KNCN: variants seen among roughly 807,000 people sequenced by gnomAD.
The protein encoded by KNCN is kinocilin.
A neutral mutation model predicts 10.4 loss-of-function variants in KNCN; 11 were observed. The observed-to-expected ratio is 1.06, with a 90% confidence interval of 0.67 to 1.75. The LOEUF is 1.75. Among genes scored for constraint, KNCN ranks in the 40% most tolerant of loss-of-function variants. The probability of loss-of-function intolerance (pLI) is 0.00; values close to 1 mark genes in which losing one functional copy is unlikely to be tolerated. For missense variants in KNCN, 172 were observed against 167.1 expected (o/e 1.03, Z -0.16); for synonymous variants, 67 against 71.6 (o/e 0.94, Z 0.33).
intron 3 of KNCN, among the ~76,000 whole-genome samples, chr1:46,548,731 T>C (rs897106400): frequency 3.5e-4 from 53 of 152,184 alleles, no homozygotes; most frequent in Non-Finnish European, 7.5e-4. Flanking sequence ...AGGGTCTGAC[T>C]GTGCACCTGG....
In KNCN at chr1:46,547,735, A is replaced by G. The variant is rs1666976225; in HGVS notation, c.370T>C (p.Cys124Arg). The change falls in exon 4 of 4, where the codon TGC becomes CGC. Residue 124 changes from cysteine (C) to arginine (R), a missense_variant. Transcript: ENST00000481882. ...LKPGTRGAEE[C>R] ...GCAGCCGCTCAGACTTTGCCTCAGC[A>G]TTCCTCAGCCCCCCGGGTCCCCGGC... The G allele has an allele frequency of 6.7e-7, 1 of 1,500,818 alleles. No individual in the cohort carries two copies. The highest frequency in any genetic ancestry group is 1.4e-5 in the African/African-American group (1 of 71,502). 93.0% of individuals were successfully genotyped at this position (1,500,818 alleles called of 1,614,324 possible).
intron 3 of KNCN, among the ~76,000 whole-genome samples, chr1:46,548,616 A>AGG (rs1025095508): frequency 1.5e-4 from 22 of 144,938 alleles, no homozygotes; most frequent in African/African-American, 5.5e-4. Context: ...GGGGAAAGGG[A>AGG]GGGAGGGGAA....
In KNCN at chr1:46,547,298, C is replaced by T. The variant is rs540633065; in HGVS notation, c.*432G>A. 3.2e-5 allele frequency: 14 copies of T among 439,450 alleles called. No homozygotes were observed. The East Asian group carries it at 9.6e-4, about 30-fold the overall frequency. 27.2% of individuals were successfully genotyped at this position (439,450 alleles called of 1,614,324 possible). The stretch of plus-strand genomic sequence containing the variant: ...GCTAGACCGTGGGGGTGGAGGGTCC[C>T]TGTCTGTGGTTCTTGTGGGCCTGTG... On this transcript the variant is annotated 3_prime_UTR_variant, in exon 4 of 4. Transcript: ENST00000481882.
In KNCN at chr1:46,551,413, C is replaced by T. The variant is rs537457881; in HGVS notation, c.-198G>A. The stretch of plus-strand genomic sequence containing the variant: ...ACTGCTCCACTACGGGCCCCCCAGT[C>T]CCACCTTGACCAGGGATCTGTACGA... On this transcript the variant is annotated 5_prime_UTR_variant, in exon 1 of 4. Coordinates refer to ENST00000481882, the MANE Select transcript of KNCN (RefSeq NM_001322255.2). The surrounding 1 kb of genome is among the most constrained non-coding windows in gnomAD (Gnocchi z 4.0). 7.3e-6 allele frequency: 4 copies of T among 547,488 alleles called. No individual in the cohort carries two copies. In the East Asian group the frequency reaches 1.4e-4, roughly 19 times the overall value. 33.9% of individuals were successfully genotyped at this position (547,488 alleles called of 1,614,324 possible).
At position 46,547,686 on chromosome 1, in the gene KNCN, G is replaced by A. The variant is rs752447052; in HGVS notation, c.*44C>T. On this transcript the variant is annotated 3_prime_UTR_variant, in exon 4 of 4. Transcript: ENST00000481882. ...GAGGGCACTGACATAGGGGCAGCAG[G>A]CAGGATGGGAGGGCAGGGCATGGGC... 7.0e-7 allele frequency: 1 copy of A among 1,434,456 alleles called. No homozygotes were observed. Among genetic ancestry groups the A allele is most frequent in the South Asian group, 1.2e-5 (1 of 80,266 alleles). The allele number at this position is 1,434,456 out of a possible 1,614,324, so 88.9% of individuals were successfully genotyped here.
At chr1:46,547,872 T>G in intron 3 of KNCN, 63 bp from the exon 4 acceptor site, 1 of 1,186,954 alleles carries the variant, frequency 8.4e-7, no homozygotes, top group Non-Finnish European at 1.2e-6. Context: ...GTTGTCAGGG[T>G]CAGAGGAACT....
In KNCN at chr1:46,546,146, C is replaced by T. The variant is rs145328823; in HGVS notation, c.*1584G>A. 1 of 152,156 alleles carries T rather than the reference C, an allele frequency of 6.6e-6. No individual in the cohort carries two copies. The highest frequency in any genetic ancestry group is 2.4e-5 in the African/African-American group (1 of 41,418). 9.4% of individuals were successfully genotyped at this position (152,156 alleles called of 1,614,324 possible). A position where few individuals can be genotyped will look rare whatever the true frequency, so the allele number is the denominator to read the frequency against. ...GTGCAGAGGACAGCAGAAGATAGAGCCTTGGATAGGGAGAGATAGGAGACC... is the reference window on the plus strand; with the variant it reads ...GTGCAGAGGACAGCAGAAGATAGAGTCTTGGATAGGGAGAGATAGGAGACC... On this transcript the variant is annotated 3_prime_UTR_variant, in exon 4 of 4. Coordinates refer to ENST00000481882, the MANE Select transcript of KNCN (RefSeq NM_001322255.2).
In KNCN at chr1:46,547,803, C is replaced by G. The variant is rs571603328; in HGVS notation, c.302G>C (p.Arg101Pro). ...SSTNGNKEGA[R>P]SSLSTVSRTL... Reference sequence around the variant, plus strand: ...CCTGCTCACGGTGGACAGGCTGCTGCGGGCTCCTGGGGGAGAGAACAGGGA... The same window carrying G: ...CCTGCTCACGGTGGACAGGCTGCTGGGGGCTCCTGGGGGAGAGAACAGGGA... The change falls in exon 4 of 4, where the codon CGC becomes CCC. Residue 101 changes from arginine (R) to proline (P), a missense_variant. By Grantham distance (103) the Arg-to-Pro change is moderately radical (BLOSUM62 -2). Coordinates refer to ENST00000481882, the MANE Select transcript of KNCN (RefSeq NM_001322255.2). 2.1e-6 allele frequency: 3 copies of G among 1,457,308 alleles called. No homozygotes were observed. The highest frequency in any genetic ancestry group is 1.8e-6 in the Non-Finnish European group (2 of 1,104,456). The allele number at this position is 1,457,308 out of a possible 1,614,324, so 90.3% of individuals were successfully genotyped here.
rs914077237 is a variant in KNCN at position 46,549,265 on chromosome 1, T to C, written c.223A>G (p.Ser75Gly). ...CCTGGATGGGGATGGATTCTTAGGCTCCCTGCAGGATGAGACCACCCCAAG... is the reference window on the plus strand; with the variant it reads ...CCTGGATGGGGATGGATTCTTAGGCCCCCTGCAGGATGAGACCACCCCAAG... ...NLDHILPTIG[S>G]LRIHPHPGAD... The change falls in exon 3 of 4, where the codon AGC becomes GGC. Residue 75 changes from serine (S) to glycine (G), a missense_variant and splice_region_variant. Ser to Gly is a moderately conservative substitution (Grantham distance 56, BLOSUM62 0). Transcript: ENST00000481882. 1 of 1,611,992 alleles carries C rather than the reference T, an allele frequency of 6.2e-7. No individual in the cohort carries two copies. Among genetic ancestry groups the C allele is most frequent in the Non-Finnish European group, 8.5e-7 (1 of 1,178,924 alleles).
chr1:46,549,559 C>A, intron 2 of KNCN: 1 of 519,836 alleles, frequency 1.9e-6, no homozygotes, highest in Non-Finnish European at 3.4e-6. Flanking sequence ...ATGTGGGGAG[C>A]TGAGATGAGG....
intron 3 of KNCN, among the ~76,000 whole-genome samples, chr1:46,548,052 C>T (rs1317996866): frequency 4.6e-5 from 7 of 152,176 alleles, no homozygotes; most frequent in African/African-American, 1.4e-4. Flanking sequence ...GGCGGGACCC[C>T]GGAGCCCACT....
chr1:46,551,180 G>T lies in KNCN; in HGVS notation c.36C>A (p.Gly12=), dbSNP rs372807831. ...CGAGAGCCACGCAGGCCAGCTGCAG[G>T]CCGCGGAAGTCTCTGCTGCTGATGG... ...DIPISSRDFR[G]LQLACVALGL... The change falls in exon 1 of 4, where the codon GGC becomes GGA. Residue 12 remains glycine (G), a synonymous_variant. Coordinates refer to ENST00000481882, the MANE Select transcript of KNCN (RefSeq NM_001322255.2). This position sits in a 1 kb window ranked among gnomAD's most constrained non-coding sequence, Gnocchi z 4.0. 1 of 1,610,400 alleles carries T rather than the reference G, an allele frequency of 6.2e-7. No individual in the cohort carries two copies. The highest frequency in any genetic ancestry group is 1.3e-5 in the African/African-American group (1 of 74,832).
In KNCN at chr1:46,547,287, G is replaced by A. The variant is rs1222440539; in HGVS notation, c.*443C>T. On this transcript the variant is annotated 3_prime_UTR_variant, in exon 4 of 4. Transcript: ENST00000481882. Reference sequence around the variant, plus strand: ...AGAGCCCCTGGGCTAGACCGTGGGGGTGGAGGGTCCCTGTCTGTGGTTCTT... The same window carrying A: ...AGAGCCCCTGGGCTAGACCGTGGGGATGGAGGGTCCCTGTCTGTGGTTCTT... 2.3e-6 allele frequency: 1 copy of A among 425,984 alleles called. No individual in the cohort carries two copies. The highest frequency in any genetic ancestry group is 2.5e-5 in the Admixed American group (1 of 39,238). 26.4% of individuals were successfully genotyped at this position (425,984 alleles called of 1,614,324 possible). A position where few individuals can be genotyped will look rare whatever the true frequency, so the allele number is the denominator to read the frequency against.
Position 46,545,890 on chromosome 1 carries a change from CATTG to C in KNCN, c.*1836_*1839del, listed in dbSNP as rs997281191. ...AGATGGATAGGAGGAAGGGTCTCCT[CATTG>C]ATTGAGGAGGGACCAGCAGCCTGAG... On this transcript the variant is annotated 3_prime_UTR_variant, in exon 4 of 4. Coordinates refer to ENST00000481882, the MANE Select transcript of KNCN (RefSeq NM_001322255.2). The C allele has an allele frequency of 6.6e-6, 1 of 152,248 alleles. No homozygotes were observed. The highest frequency in any genetic ancestry group is 2.4e-5 in the African/African-American group (1 of 41,410). 9.4% of individuals were successfully genotyped at this position (152,248 alleles called of 1,614,324 possible).
chr1:46,550,380 C>T (rs984107317), intron 1 of KNCN, among the ~76,000 whole-genome samples: 11 of 152,180 alleles, frequency 7.2e-5, no homozygotes, highest in African/African-American at 2.2e-4. Flanking sequence ...TCCTCCCCAC[C>T]CAGACCTGGG....
Position 46,547,231 on chromosome 1 carries a change from G to T in KNCN, c.*499C>A, listed in dbSNP as rs1666960626. The T allele has an allele frequency of 1.7e-5, 6 of 360,818 alleles. No homozygotes were observed. Among genetic ancestry groups the T allele is most frequent in the South Asian group, 1.2e-4 (6 of 48,266 alleles). The allele number at this position is 360,818 out of a possible 1,614,324, so 22.4% of individuals were successfully genotyped here. On this transcript the variant is annotated 3_prime_UTR_variant, in exon 4 of 4. Transcript: ENST00000481882. ...GTTTTGATATTTGGAAAAGAATCTT[G>T]TCTAGCCCCTCTATTGGGCTAGTGA... is the stretch of plus-strand genomic sequence containing the variant.
At chr1:46,548,604 G>T (rs534145025) in intron 3 of KNCN, among the ~76,000 whole-genome samples, 29 of 152,232 alleles carry the variant, frequency 1.9e-4, no homozygotes, top group African/African-American at 6.7e-4. Flanking sequence ...GGACCTGGGG[G>T]AGGGGAAAGG....
chr1:46,548,796 G>A (rs537910043), intron 3 of KNCN, among the ~76,000 whole-genome samples: 3 of 152,182 alleles, frequency 2.0e-5, no homozygotes, highest in Admixed American at 6.5e-5. Context: ...TCGGCATGCC[G>A]CTCAAGGCTC....
chr1:46,549,333 G>T, intron 2 of KNCN, 66 bp from the exon 3 acceptor site: 1 of 1,235,224 alleles, frequency 8.1e-7, no homozygotes, highest in East Asian at 2.4e-5. Context: ...GCCTAGGTTG[G>T]GAAGGGAAGT....
Sources: allele counts gnomAD v4.1 joint callset (sites outside exome capture counted in the v4.1 genomes callset), GRCh38; gene constraint gnomAD v4.1.1; non-coding constraint Gnocchi (gnomAD v3.1); transcripts MANE v1.5; gene names NCBI Gene and HGNC (gene_info 2026-07-23, HGNC 2026-07-21).